Variants in INPP4B observed in about 807,000 individuals in gnomAD.
The protein encoded by INPP4B is inositol polyphosphate-4-phosphatase type II B, also known as inositol polyphosphate 4-phosphatase type II.
INPP4B carries 55 observed loss-of-function variants against 122.5 expected under a neutral mutation model. That is an observed-to-expected ratio of 0.45 (90% CI 0.36 to 0.56). The LOEUF is 0.56. Ranked by LOEUF, INPP4B falls within the 20% of genes least tolerant of loss-of-function variation. The pLI is 0.00. For synonymous variants in INPP4B, 403 were observed against 388.7 expected, an observed-to-expected ratio of 1.04 and a Z score of -0.43; for missense variants, 1,000 against 1,097.7, an observed-to-expected ratio of 0.91 and a Z score of 1.26.
intron 1 of INPP4B, among the ~76,000 whole-genome samples, chr4:142,808,847 T>C (rs1440955246): frequency 1.3e-5 from 2 of 152,278 alleles, no homozygotes; most frequent in East Asian, 3.9e-4. Context: ...AAATCATCTA[T>C]ATCTTTTAGT....
chr4:142,782,419 C>T (rs9715612), intron 1 of INPP4B, among the ~76,000 whole-genome samples: 32,270 of 146,808 alleles, frequency 0.22, 3,557 homozygotes, highest in South Asian at 0.32. Flanking sequence ...TCTTTGCTAT[C>T]GTGAATAGTG....
intron 7 of INPP4B, among the ~76,000 whole-genome samples, chr4:142,355,661 A>G (rs1783341118): frequency 6.6e-6 from 1 of 152,052 alleles, no homozygotes; most frequent in Admixed American, 6.6e-5. Flanking sequence ...TGAGGAAAGC[A>G]ATTACTTTTG....
intron 23 of INPP4B, among the ~76,000 whole-genome samples, chr4:142,106,640 C>G (rs1178240575): frequency 6.6e-6 from 1 of 152,172 alleles, no homozygotes; most frequent in African/African-American, 2.4e-5. Context: ...ACTTTGCCAA[C>G]AATCTACTTT....
chr4:142,696,669 G>A (rs369796369), intron 2 of INPP4B, among the ~76,000 whole-genome samples: 2 of 152,042 alleles, frequency 1.3e-5, no homozygotes, highest in East Asian at 3.9e-4. Flanking sequence ...TACTACTTAT[G>A]TTGTTCTCCA....
intron 9 of INPP4B, among the ~76,000 whole-genome samples, chr4:142,303,771 A>T (rs1762367571): frequency 6.6e-6 from 1 of 152,142 alleles, no homozygotes; most frequent in Admixed American, 6.6e-5. Flanking sequence ...AGATCAAATG[A>T]CTAGGAATCA....
intron 11 of INPP4B, among the ~76,000 whole-genome samples, chr4:142,239,631 C>G (rs1432030981): frequency 1.3e-5 from 2 of 152,024 alleles, no homozygotes; most frequent in Non-Finnish European, 2.9e-5. Context: ...ATTACTGCTT[C>G]TATTATAGTA....
At chr4:142,592,890 C>T (rs1737814387) in intron 2 of INPP4B, among the ~76,000 whole-genome samples, 1 of 151,952 alleles carries the variant, frequency 6.6e-6, no homozygotes, top group African/African-American at 2.4e-5. Context: ...CGCTTGAGGT[C>T]AGGAGTTCAA....
At chr4:142,541,296 A>C (rs956891500) in intron 2 of INPP4B, among the ~76,000 whole-genome samples, 2 of 152,184 alleles carry the variant, frequency 1.3e-5, no homozygotes, top group African/African-American at 2.4e-5. Context: ...CATAGCTGTA[A>C]GTCAGATTTA....
Position 142,029,813 on chromosome 4 carries a change from G to A in INPP4B, c.2643-899C>T, listed in dbSNP as rs950343573. On this transcript the variant is annotated intron_variant, in intron 25 of 25. Coordinates refer to ENST00000262992, the MANE Select transcript of INPP4B (RefSeq NM_001101669.3). Reference sequence around the variant, plus strand: ...AGTCTTAATTTCTTTAATAAATTTAGTGGGATGAGGACAGGAGGTTCAGAA... The same window carrying A: ...AGTCTTAATTTCTTTAATAAATTTAATGGGATGAGGACAGGAGGTTCAGAA... 3.0e-6 allele frequency: 3 copies of A among 1,011,560 alleles called. No individual in the cohort carries two copies. The African/African-American group carries it at 5.2e-5, about 17-fold the overall frequency. 62.7% of individuals were successfully genotyped at this position (1,011,560 alleles called of 1,614,324 possible).
chr4:142,415,749 A>G (rs1051123441), intron 5 of INPP4B, among the ~76,000 whole-genome samples: 9 of 152,218 alleles, frequency 5.9e-5, no homozygotes, highest in Admixed American at 1.3e-4. Context: ...ACTTGGAACC[A>G]ACCCAAATGT....
chr4:142,810,145 G>A (rs1487026572), intron 1 of INPP4B, among the ~76,000 whole-genome samples: 2 of 148,892 alleles, frequency 1.3e-5, no homozygotes, highest in Non-Finnish European at 3.0e-5. Context: ...ACTCCAGCCT[G>A]GGTGACAGAG....
At chr4:142,673,416 CAA>C (rs35627855) in intron 2 of INPP4B, among the ~76,000 whole-genome samples, 22 of 129,940 alleles carry the variant, frequency 1.7e-4, no homozygotes, top group Admixed American at 3.9e-4. Flanking sequence ...AACCAGGAGA[CAA>C]AAAAAAAAAA....
chr4:142,844,161 T>C (rs768084791), intron 1 of INPP4B, among the ~76,000 whole-genome samples: 15 of 152,208 alleles, frequency 9.9e-5, no homozygotes, highest in Non-Finnish European at 1.5e-4. Context: ...TACCTTTGAC[T>C]GCATGCTACT....
chr4:142,608,877 T>A (rs966307311), intron 2 of INPP4B, among the ~76,000 whole-genome samples: 1 of 152,180 alleles, frequency 6.6e-6, no homozygotes, highest in Admixed American at 6.6e-5. Context: ...GTTCCCATCA[T>A]GCTTCCTCAG....
chr4:142,519,135 C>T (rs770086444), intron 2 of INPP4B, among the ~76,000 whole-genome samples: 4 of 152,030 alleles, frequency 2.6e-5, no homozygotes, highest in Non-Finnish European at 4.4e-5. Flanking sequence ...GCAAGTCCTC[C>T]GTATAGGAGC....
chr4:142,466,974 G>GC, intron 2 of INPP4B, among the ~76,000 whole-genome samples: 1 of 152,302 alleles, frequency 6.6e-6, no homozygotes, highest in East Asian at 1.9e-4. Flanking sequence ...TGCACAGAAT[G>GC]CAAGAGTGAA....
chr4:142,577,474 G>A (rs114023235), intron 2 of INPP4B, among the ~76,000 whole-genome samples: 2,538 of 152,100 alleles, frequency 0.017, 72 homozygotes, highest in African/African-American at 0.056. Context: ...TCCTAGAAGA[G>A]TTTTTCTGTC....
chr4:142,346,813 A>T (rs1018065094), intron 7 of INPP4B, among the ~76,000 whole-genome samples: 3 of 152,062 alleles, frequency 2.0e-5, no homozygotes, highest in African/African-American at 7.2e-5. Context: ...TATTGAGTAG[A>T]ATAAAAGTGT....
intron 2 of INPP4B, among the ~76,000 whole-genome samples, chr4:142,668,004 T>C (rs925480123): frequency 3.9e-5 from 6 of 152,154 alleles, no homozygotes; most frequent in African/African-American, 1.4e-4. Context: ...TCTTCAAAAA[T>C]TGAAGAATGA....
Sources: gnomAD v4.1 joint callset for allele counts (sites outside exome capture counted in the v4.1 genomes callset) on GRCh38, gnomAD v4.1.1 for gene constraint, MANE v1.5 for transcripts, NCBI Gene and HGNC (gene_info 2026-07-23, HGNC 2026-07-21) for gene names.